The following CIITA variants were observed in gnomAD, a reference collection of about 807,000 sequenced individuals.
The protein encoded by CIITA is class II major histocompatibility complex transactivator.
In CIITA, 72 loss-of-function variants were observed where a neutral mutation model predicts 115.1. That is an observed-to-expected ratio of 0.63 (90% CI 0.52 to 0.76). The LOEUF is 0.76. Among genes scored for constraint, CIITA ranks in the 30% least tolerant of loss-of-function variants. The probability of loss-of-function intolerance (pLI) is 0.00; values close to 1 mark genes in which losing one functional copy is unlikely to be tolerated. For synonymous variants in CIITA, 763 were observed against 635.6 expected, an observed-to-expected ratio of 1.20 and a Z score of -3.02; for missense variants, 1,617 against 1,463.8, an observed-to-expected ratio of 1.10 and a Z score of -1.71.
rs1166737289 is a variant in CIITA at position 10,907,270 on chromosome 16, G to A, written c.1778G>A (p.Arg593Lys). 1 of 1,613,484 alleles carries A rather than the reference G, an allele frequency of 6.2e-7. No individual in the cohort carries two copies. Among genetic ancestry groups the A allele is most frequent in the Non-Finnish European group, 8.5e-7 (1 of 1,179,980 alleles). Residue 593 changes from arginine to lysine, a missense_variant, in exon 11 of 20, where the codon AGA becomes AAA. By Grantham distance (26) the Arg-to-Lys change is conservative. Coordinates refer to ENST00000324288, the MANE Select transcript of CIITA (RefSeq NM_000246.4). This position sits in a 1 kb window ranked among gnomAD's most constrained non-coding sequence, Gnocchi z 5.0. The stretch of plus-strand genomic sequence containing the variant: ...TCAGGGATGACAGAGCACCAAGACA[G>A]AGCCCTGACGCTCCTCCGGGACCGG... ...ESSGMTEHQD[R>K]ALTLLRDRPL... is the part of the protein sequence containing the mutation.
chr16:10,894,214 C>A (rs539219688), intron 1 of CIITA, among the ~76,000 whole-genome samples: 1 of 152,064 alleles, frequency 6.6e-6, no homozygotes, highest in African/African-American at 2.4e-5. Flanking sequence ...TAGAATCATA[C>A]AATATGTGAC....
intron 10 of CIITA, 55 bp from the exon 11 acceptor site, chr16:10,906,444 G>A (rs975820291): frequency 1.9e-6 from 3 of 1,587,942 alleles, no homozygotes; most frequent in Non-Finnish European, 2.6e-6. Flanking sequence ...GTGGTGGCTG[G>A]CCCTGGCCCT....
intron 13 of CIITA, among the ~76,000 whole-genome samples, chr16:10,912,761 A>T (rs1348659384): frequency 6.6e-6 from 1 of 152,248 alleles, no homozygotes; most frequent in Non-Finnish European, 1.5e-5. Flanking sequence ...CTAGTTCAAG[A>T]TCGGAACTGC....
chr16:10,903,522 A>C (rs563290897), intron 8 of CIITA, among the ~76,000 whole-genome samples: 13 of 152,282 alleles, frequency 8.5e-5, no homozygotes, highest in African/African-American at 3.1e-4. Flanking sequence ...CACCCATTTC[A>C]CAGATTGGAA....
intron 3 of CIITA, among the ~76,000 whole-genome samples, chr16:10,897,333 C>A (rs542385160): frequency 1.3e-5 from 2 of 152,136 alleles, no homozygotes; most frequent in African/African-American, 4.8e-5. Context: ...TCTCATAAAA[C>A]CACTAGTCTT....
intron 1 of CIITA, among the ~76,000 whole-genome samples, chr16:10,878,580 C>T (rs572712245): frequency 6.6e-6 from 1 of 152,306 alleles, no homozygotes; most frequent in Admixed American, 6.5e-5. Context: ...ATCTCAGGGG[C>T]CATGTGCCCT....
Position 10,906,954 on chromosome 16 carries a change from T to A in CIITA, c.1462T>A (p.Leu488Met). The change falls in exon 11 of 20, where the codon TTG becomes ATG. Residue 488 changes from leucine (L) to methionine (M), a missense_variant. Physicochemically the swap from Leu to Met is conservative, Grantham distance 15 (BLOSUM62 2). Coordinates refer to ENST00000324288, the MANE Select transcript of CIITA (RefSeq NM_000246.4). ...GGCCGATGAGGTTTTCAGCCACATC[T>A]TGAAGAGACCTGACCGCGTTCTGCT... ...VAADEVFSHI[L>M]KRPDRVLLIL... is the part of the protein sequence containing the mutation. The A allele has an allele frequency of 6.2e-7, 1 of 1,612,890 alleles. No individual in the cohort carries two copies. The highest frequency in any genetic ancestry group is 8.5e-7 in the Non-Finnish European group (1 of 1,179,926).
Position 10,895,683 on chromosome 16 carries a change from A to G in CIITA, c.214A>G (p.Thr72Ala), listed in dbSNP as rs143732812. 10 of 1,613,852 alleles carry G rather than the reference A, an allele frequency of 6.2e-6. No homozygotes were observed. Among genetic ancestry groups the G allele is most frequent in the Middle Eastern group, 1.6e-4 (1 of 6,084 alleles). The change falls in exon 3 of 20, where the codon ACC becomes GCC. Residue 72 changes from threonine to alanine, a missense_variant. Thr to Ala is a moderately conservative substitution (Grantham distance 58). Transcript: ENST00000324288. ...TTTCCTCCCAGAACCCGACACAGAC[A>G]CCATCAACTGCGACCAGTTCAGCAG... ...IELYSEPDTD[T>A]INCDQFSRLL...
chr16:10,878,162 C>T (rs530361076), intron 1 of CIITA, among the ~76,000 whole-genome samples: 3 of 152,158 alleles, frequency 2.0e-5, no homozygotes, highest in Admixed American at 6.5e-5. Flanking sequence ...ATTGGCATTG[C>T]TGTTGTTGGA....
At chr16:10,892,010 G>A (rs752139056) in intron 1 of CIITA, among the ~76,000 whole-genome samples, 1 of 152,178 alleles carries the variant, frequency 6.6e-6, no homozygotes, top group African/African-American at 2.4e-5. Context: ...GGCAGTGAAA[G>A]CTGTGGATGC....
chr16:10,914,897 G>A (rs1010888061), intron 13 of CIITA, among the ~76,000 whole-genome samples: 2 of 152,184 alleles, frequency 1.3e-5, no homozygotes, highest in African/African-American at 2.4e-5. Context: ...ACTGGCAGTG[G>A]TCGTCAGCTG....
rs2036158477 is a variant in CIITA at position 10,879,236 on chromosome 16, G to A, written c.52+1854G>A. On this transcript the variant is annotated intron_variant, in intron 1 of 19. Transcript: ENST00000324288. The surrounding 1 kb of genome is among the most constrained non-coding windows in gnomAD (Gnocchi z 4.3). Reference sequence around the variant, plus strand: ...ACTCTGCGCGGGAACCAGGAGCCGGGAACCCGGAGCTTGGCTTGCTGTGCC... The same window carrying A: ...ACTCTGCGCGGGAACCAGGAGCCGGAAACCCGGAGCTTGGCTTGCTGTGCC... 6.6e-6 allele frequency among the ~76,000 whole-genome samples: 1 copy of A among 152,284 alleles called. No homozygotes were observed.
At position 10,895,439 on chromosome 16, in the gene CIITA, C is replaced by A. The variant is rs1438301612; in HGVS notation, c.199+11C>A. 2 of 1,612,958 alleles carry A rather than the reference C, an allele frequency of 1.2e-6. No homozygotes were observed. The highest frequency in any genetic ancestry group is 3.3e-5 in the Admixed American group (2 of 59,990). ...TTGAGCTCTACTCAGGTGGGCCCTCCTCCCTCTGGTCTCTTCCGGTATCCC... is the reference window on the plus strand; with the variant it reads ...TTGAGCTCTACTCAGGTGGGCCCTCATCCCTCTGGTCTCTTCCGGTATCCC... On this transcript the variant is annotated intron_variant, in intron 2 of 19. Coordinates refer to ENST00000324288, the MANE Select transcript of CIITA (RefSeq NM_000246.4).
At chr16:10,875,764 G>A (rs1289003898), upstream of CIITA, among the ~76,000 whole-genome samples, 1 of 151,908 alleles carries the variant, frequency 6.6e-6, no homozygotes, top group African/African-American at 2.4e-5. Context: ...TCCAACTCCT[G>A]GGCACACTCG....
Position 10,893,804 on chromosome 16 carries a change from TAAAAAAAAAAAAAAA to T in CIITA, c.53-1462_53-1448del, listed in dbSNP as rs71136603. On this transcript the variant is annotated intron_variant, in intron 1 of 19. Coordinates refer to ENST00000324288, the MANE Select transcript of CIITA (RefSeq NM_000246.4). Reference sequence around the variant, plus strand: ...AGCCTGGGTGACAGAGACTCCGTCTTAAAAAAAAAAAAAAAAAAAAAAAAAAAAAAGTAGAGTTCA... The same window carrying T: ...AGCCTGGGTGACAGAGACTCCGTCTTAAAAAAAAAAAAAAAGTAGAGTTCA... 9.8e-3 allele frequency among the ~76,000 whole-genome samples: 314 copies of T among 32,182 alleles called. 3 individuals are homozygous for T. Among genetic ancestry groups the T allele is most frequent in the Admixed American group, 0.02 (32 of 1,620 alleles). The allele number at this position is 32,182 out of a possible 152,430, so 21.1% of individuals were successfully genotyped here.
In CIITA at chr16:10,936,291, T is replaced by C. The variant is rs941274405; in HGVS notation, c.*12436T>C. ...GTAGATGAGATTGGTCATAGGATTG[T>C]ATAGTGTATCAATATTAGATTTGCT... On this transcript the variant is annotated 3_prime_UTR_variant, in exon 20 of 20. Coordinates refer to ENST00000324288, the MANE Select transcript of CIITA (RefSeq NM_000246.4). 2.6e-5 allele frequency: 4 copies of C among 152,220 alleles called. No homozygotes were observed. Among genetic ancestry groups the C allele is most frequent in the African/African-American group, 9.7e-5 (4 of 41,446 alleles). The allele number at this position is 152,220 out of a possible 1,614,324, so 9.4% of individuals were successfully genotyped here. A position where few individuals can be genotyped will look rare whatever the true frequency, so the allele number is the denominator to read the frequency against.
chr16:10,895,197 C>A (rs1434751813), intron 1 of CIITA, 85 bp from the exon 2 acceptor site: 1 of 1,514,348 alleles, frequency 6.6e-7, no homozygotes, highest in Non-Finnish European at 9.1e-7. Flanking sequence ...CCCCAGCCCT[C>A]ACCAGCTGGG....
intron 1 of CIITA, among the ~76,000 whole-genome samples, chr16:10,868,570 C>T (rs1297325638): frequency 6.6e-6 from 1 of 152,186 alleles, no homozygotes; most frequent in East Asian, 1.9e-4. Flanking sequence ...CAAACATTCT[C>T]CCTTGGCTTC....
upstream of CIITA, among the ~76,000 whole-genome samples, chr16:10,872,654 C>T (rs2035566504): frequency 6.6e-6 from 1 of 152,206 alleles, no homozygotes; most frequent in Admixed American, 6.5e-5. Context: ...TCTCATACAC[C>T]CTCCCATGTC....
Sources: gnomAD v4.1 joint callset for allele counts (sites outside exome capture counted in the v4.1 genomes callset) on GRCh38, gnomAD v4.1.1 for gene constraint, Gnocchi (gnomAD v3.1) non-coding constraint, MANE v1.5 for transcripts, NCBI Gene and HGNC (gene_info 2026-07-23, HGNC 2026-07-21) for gene names.